SARDH: variants seen among roughly 807,000 people sequenced by gnomAD.
SARDH encodes the protein sarcosine dehydrogenase.
In SARDH, 95 loss-of-function variants were observed where a neutral mutation model predicts 109.1. The observed-to-expected ratio is 0.87, with a 90% CI of 0.74 to 1.03. SARDH has a LOEUF of 1.03. SARDH is among the 50% of genes least tolerant of loss of function. The pLI, the probability that SARDH is intolerant of heterozygous loss-of-function variation, is 0.00. For missense variants in SARDH, 1,267 were observed against 1,287.8 expected (o/e 0.98, Z 0.25); for synonymous variants, 572 against 534.8 (o/e 1.07, Z -0.96).
chr9:133,691,021 C>G (rs1184208693), intron 15 of SARDH, among the ~76,000 whole-genome samples: 1 of 152,204 alleles, frequency 6.6e-6, no homozygotes, highest in Non-Finnish European at 1.5e-5. Flanking sequence ...TGCTCCCTCT[C>G]TTCTTCCTCT....
Position 133,666,801 on chromosome 9 carries a change from A to G in SARDH, c.2565T>C (p.Ala855=). 2 of 1,607,230 alleles carry G rather than the reference A, an allele frequency of 1.2e-6. No homozygotes were observed. Among genetic ancestry groups the G allele is most frequent in the African/African-American group, 1.3e-5 (1 of 74,974 alleles). Residue 855 remains alanine, a synonymous_variant, in exon 20 of 21, where the codon GCT becomes GCC. Coordinates refer to ENST00000439388, the MANE Select transcript of SARDH (RefSeq NM_001134707.2). The surrounding 1 kb of genome is among the most constrained non-coding windows in gnomAD (Gnocchi z 5.2). ...NGQVVGHVRR[A]DFGFAIDKTI... Reference sequence around the variant, plus strand: ...TCTTGTCGATGGCGAACCCAAAGTCAGCCCTCCGGACATGGCCCACCACTT... The same window carrying G: ...TCTTGTCGATGGCGAACCCAAAGTCGGCCCTCCGGACATGGCCCACCACTT...
Position 133,719,106 on chromosome 9 carries a change from C to A in SARDH, c.916-64G>T, listed in dbSNP as rs1470611556. 3.5e-6 allele frequency: 5 copies of A among 1,417,640 alleles called. No homozygotes were observed. In the Admixed American group the frequency reaches 5.1e-5, roughly 14 times the overall value. The allele number at this position is 1,417,640 out of a possible 1,614,324, so 87.8% of individuals were successfully genotyped here. A position where few individuals can be genotyped will look rare whatever the true frequency, so the allele number is the denominator to read the frequency against. ...CTGGGTGGGGACTTGGTTCCCCATG[C>A]CCCGTGGTGGGCCAGCACCTCCACC... On this transcript the variant is annotated intron_variant, in intron 6 of 20. Transcript: ENST00000439388.
At position 133,713,175 on chromosome 9, in the gene SARDH, T is replaced by C. The variant is rs780467611; in HGVS notation, c.1151-51A>G. 129 of 1,509,870 alleles carry C rather than the reference T, an allele frequency of 8.5e-5. No individual in the cohort carries two copies. The East Asian group carries it at 2.9e-3, about 34-fold the overall frequency. The allele number at this position is 1,509,870 out of a possible 1,614,324, so 93.5% of individuals were successfully genotyped here. A position where few individuals can be genotyped will look rare whatever the true frequency, so the allele number is the denominator to read the frequency against. On this transcript the variant is annotated intron_variant, in intron 8 of 20. Transcript: ENST00000439388. ...AGTCCCTTTTGCAGTGCACATACTC[T>C]TGGGGTGAGGTCTTCCAAGAGAGCA...
intron 20 of SARDH, among the ~76,000 whole-genome samples, chr9:133,664,261 A>G (rs1471674191): frequency 6.6e-6 from 1 of 152,020 alleles, no homozygotes; most frequent in African/African-American, 2.4e-5. Flanking sequence ...AGCCAATATG[A>G]CTTCCACCGG....
At chr9:133,661,932 G>A (rs867103032), downstream of SARDH, among the ~76,000 whole-genome samples, 9 of 152,330 alleles carry the variant, frequency 5.9e-5, no homozygotes, top group East Asian at 5.8e-4. Flanking sequence ...GACCTGGCTC[G>A]GGGTCTGGGA....
chr9:133,665,501 G>A (rs961653312), intron 20 of SARDH, among the ~76,000 whole-genome samples: 1 of 152,212 alleles, frequency 6.6e-6, no homozygotes, highest in African/African-American at 2.4e-5. Context: ...CTGCATGGTA[G>A]GTGAGTGTCC....
chr9:133,663,785 G>A lies in SARDH; in HGVS notation c.*104C>T. On this transcript the variant is annotated 3_prime_UTR_variant, in exon 21 of 21. Transcript: ENST00000439388. ...AGGACTAGGCCTAGGCTAAGGACAG[G>A]GAGGGCACAAGTTCTGGCTGGGTCC... 1 of 1,505,732 alleles carries A rather than the reference G, an allele frequency of 6.6e-7. No homozygotes were observed. The highest frequency in any genetic ancestry group is 2.3e-5 in the East Asian group (1 of 44,102). The allele number at this position is 1,505,732 out of a possible 1,614,324, so 93.3% of individuals were successfully genotyped here.
chr9:133,707,989 G>A (rs748938821), intron 11 of SARDH, among the ~76,000 whole-genome samples: 28 of 152,146 alleles, frequency 1.8e-4, no homozygotes, highest in Non-Finnish European at 3.4e-4. Context: ...CTGCCCTGTT[G>A]GCGCTGCTGC....
chr9:133,673,325 G>A (rs1023546643), intron 17 of SARDH, among the ~76,000 whole-genome samples: 2 of 152,252 alleles, frequency 1.3e-5, no homozygotes, highest in African/African-American at 4.8e-5. Context: ...CCATGGGAAG[G>A]CCTGAGTGCT....
intron 18 of SARDH, among the ~76,000 whole-genome samples, 185 bp from the exon 19 acceptor site, chr9:133,670,937 C>G (rs1205929057): frequency 2.0e-5 from 3 of 152,144 alleles, no homozygotes; most frequent in African/African-American, 7.2e-5. Context: ...GCGACCGCTC[C>G]CCCGAGCAGA....
chr9:133,717,340 G>A lies in SARDH; in HGVS notation c.1136C>T (p.Thr379Met), dbSNP rs142347296. The change falls in exon 8 of 21, where the codon ACG becomes ATG. Residue 379 changes from threonine (T) to methionine (M), a missense_variant. Physicochemically the swap from Thr to Met is moderately conservative, Grantham distance 81. Coordinates refer to ENST00000439388, the MANE Select transcript of SARDH (RefSeq NM_001134707.2). ...PVLEKTGIKS[T>M]VCGPESFTPD... ...CTGTCACTCACCAGGGCCGCAGACC[G>A]TGGACTTGATTCCTGTCTTCTCCAG... The A allele has an allele frequency of 4.3e-5, 70 of 1,614,000 alleles. No homozygotes were observed. The highest frequency in any genetic ancestry group is 9.3e-5 in the African/African-American group (7 of 75,044).
At position 133,689,343 on chromosome 9, in the gene SARDH, T is replaced by C. The variant is rs564618945; in HGVS notation, c.2069+1037A>G. Among the ~76,000 whole-genome samples, 13 of 152,202 alleles carry C rather than the reference T, an allele frequency of 8.5e-5. 1 individual carries two copies. In the East Asian group the frequency reaches 2.1e-3, roughly 25 times the overall value. On this transcript the variant is annotated intron_variant, in intron 16 of 20. Transcript: ENST00000439388. The stretch of plus-strand genomic sequence containing the variant: ...CCTGCCCAGTCCAGCAGAGCCACCC[T>C]GTCCAGCCCCAAGGCAGATGTGGCG...
At chr9:133,729,588 C>T (rs541195230) in intron 6 of SARDH, among the ~76,000 whole-genome samples, 177 bp downstream of exon 6, 9 of 152,258 alleles carry the variant, frequency 5.9e-5, no homozygotes, top group African/African-American at 2.2e-4. Flanking sequence ...CTAGTTTAAT[C>T]CTCATACCAC....
chr9:133,712,935 C>T lies in SARDH; in HGVS notation c.1237+103G>A. ...GACTCCCCAGCCTCTCCTGTCCCCACCACTGTCGGGGGCCACGGTGCTCCT... is the reference window on the plus strand; with the variant it reads ...GACTCCCCAGCCTCTCCTGTCCCCATCACTGTCGGGGGCCACGGTGCTCCT... On this transcript the variant is annotated intron_variant, in intron 9 of 20. Transcript: ENST00000439388. The surrounding 1 kb of genome is among the most constrained non-coding windows in gnomAD (Gnocchi z 4.1). The T allele has an allele frequency of 8.2e-7, 1 of 1,215,590 alleles. No individual in the cohort carries two copies. The highest frequency in any genetic ancestry group is 1.2e-6 in the Non-Finnish European group (1 of 852,962). 75.3% of individuals were successfully genotyped at this position (1,215,590 alleles called of 1,614,324 possible).
In SARDH at chr9:133,666,764, C is replaced by T. The variant is rs1183015085; in HGVS notation, c.2602G>A (p.Gly868Ser). 9 of 1,599,606 alleles carry T rather than the reference C, an allele frequency of 5.6e-6. No homozygotes were observed. The highest frequency in any genetic ancestry group is 4.5e-5 in the South Asian group (4 of 88,612). Residue 868 changes from glycine to serine, a missense_variant, in exon 20 of 21, where the codon GGT becomes AGT. Gly to Ser is a moderately conservative substitution (Grantham distance 56, BLOSUM62 0). Transcript: ENST00000439388. The surrounding 1 kb of genome is among the most constrained non-coding windows in gnomAD (Gnocchi z 5.2). ...GFAIDKTIAYGYIHDPSGGPV... is the reference protein window; with the variant it reads ...GFAIDKTIAYSYIHDPSGGPV... Reference sequence around the variant, plus strand: ...CCACCGCTGGGGTCATGGATGTAACCGTAGGCGATGGTCTTGTCGATGGCG... The same window carrying T: ...CCACCGCTGGGGTCATGGATGTAACTGTAGGCGATGGTCTTGTCGATGGCG...
intron 5 of SARDH, 28 bp from the exon 6 acceptor site, chr9:133,729,893 T>A (rs1457046800): frequency 6.2e-7 from 1 of 1,608,858 alleles, no homozygotes; most frequent in Non-Finnish European, 8.5e-7. Context: ...ACAGCTCAGC[T>A]CTGCTGACAC....
intron 13 of SARDH, 147 bp from the exon 14 acceptor site, chr9:133,696,508 C>T: frequency 1.1e-6 from 1 of 917,926 alleles, no homozygotes; most frequent in Non-Finnish European, 1.7e-6. Flanking sequence ...CCCTTCTCAG[C>T]TCAGGTGCAC....
intron 16 of SARDH, among the ~76,000 whole-genome samples, chr9:133,685,499 C>A (rs1830853805): frequency 1.3e-5 from 2 of 152,226 alleles, no homozygotes; most frequent in African/African-American, 4.8e-5. Context: ...CTAGGGCTAG[C>A]AGGACCCCTG....
At chr9:133,722,618 G>A (rs999736364) in intron 6 of SARDH, among the ~76,000 whole-genome samples, 1 of 148,688 alleles carries the variant, frequency 6.7e-6, no homozygotes, top group Non-Finnish European at 1.5e-5. Flanking sequence ...AAAATCCTAA[G>A]GAAACCACTA....
Sources: gnomAD v4.1 joint callset for allele counts (sites outside exome capture counted in the v4.1 genomes callset) on GRCh38, gnomAD v4.1.1 for gene constraint, Gnocchi (gnomAD v3.1) non-coding constraint, MANE v1.5 for transcripts, NCBI Gene and HGNC (gene_info 2026-07-23, HGNC 2026-07-21) for gene names.